The following SFRP1 variants were observed in gnomAD, a reference collection of about 807,000 sequenced individuals.
SFRP1 encodes secreted frizzled related protein 1.
A neutral mutation model predicts 25.9 loss-of-function variants in SFRP1; 9 were observed. The observed-to-expected ratio is 0.35, with a 90% confidence interval of 0.21 to 0.61. The LOEUF (loss-of-function observed/expected upper bound fraction) is 0.61, where lower values mean the gene tolerates loss of function less well. Among genes scored for constraint, SFRP1 ranks in the 20% least tolerant of loss-of-function variants. The pLI is 0.78. For missense variants in SFRP1, 346 were observed against 418.2 expected, an observed-to-expected ratio of 0.83 and a Z score of 1.51; for synonymous variants, 178 against 174.0, an observed-to-expected ratio of 1.02 and a Z score of -0.18.
chr8:41,268,477 C>G (rs1344093369), intron 2 of SFRP1, among the ~76,000 whole-genome samples: 1 of 152,164 alleles, frequency 6.6e-6, no homozygotes, highest in African/African-American at 2.4e-5. Flanking sequence ...TTTGCCATGA[C>G]CGTGTAAAGG....
chr8:41,279,357 C>T (rs185889228), intron 2 of SFRP1, among the ~76,000 whole-genome samples: 89 of 152,216 alleles, frequency 5.8e-4, no homozygotes, highest in African/African-American at 2.1e-3. Flanking sequence ...TTGCCCAGGC[C>T]GGGGTCTGGT....
At chr8:41,303,944 C>T (rs1466497090) in intron 1 of SFRP1, among the ~76,000 whole-genome samples, 2 of 152,254 alleles carry the variant, frequency 1.3e-5, no homozygotes, top group East Asian at 3.9e-4. Flanking sequence ...ATTCCTGCCC[C>T]CTTCCCATTT....
chr8:41,288,367 G>GAAATAA (rs1033800542), intron 2 of SFRP1, among the ~76,000 whole-genome samples: 3 of 151,140 alleles, frequency 2.0e-5, no homozygotes, highest in Non-Finnish European at 2.9e-5. Context: ...AAAATAAAAT[G>GAAATAA]AAATAAAAAT....
In SFRP1 at chr8:41,264,847, T is replaced by G; in HGVS notation, c.*320A>C. The G allele has an allele frequency of 7.5e-6, 2 of 267,040 alleles. No individual in the cohort carries two copies. Among genetic ancestry groups the G allele is most frequent in the East Asian group, 7.1e-5 (1 of 14,016 alleles). 16.5% of individuals were successfully genotyped at this position (267,040 alleles called of 1,614,324 possible). ...CTCTCACTTTCCGCCCAATCCCCCT[T>G]TTTGTGTTTTAGTGGCTGTGTTGCT... On this transcript the variant is annotated 3_prime_UTR_variant, in exon 3 of 3. Coordinates refer to ENST00000220772, the MANE Select transcript of SFRP1 (RefSeq NM_003012.5).
intron 2 of SFRP1, among the ~76,000 whole-genome samples, chr8:41,276,130 C>T (rs951861334): frequency 1.3e-5 from 2 of 152,286 alleles, no homozygotes; most frequent in East Asian, 3.9e-4. Context: ...TCGCATGGGC[C>T]TGCTCCACCC....
At chr8:41,285,253 G>A (rs558509444) in intron 2 of SFRP1, among the ~76,000 whole-genome samples, 18 of 151,870 alleles carry the variant, frequency 1.2e-4, no homozygotes, top group South Asian at 4.2e-4. Flanking sequence ...CCCCTCAGCC[G>A]TCAGCATCTG....
chr8:41,265,859 A>G (rs577199815), intron 2 of SFRP1, among the ~76,000 whole-genome samples: 4 of 152,324 alleles, frequency 2.6e-5, no homozygotes, highest in African/African-American at 9.6e-5. Context: ...ATGAAAGGCA[A>G]GTAACAAGTC....
intron 2 of SFRP1, among the ~76,000 whole-genome samples, chr8:41,280,695 T>C (rs1284832023): frequency 6.6e-6 from 1 of 152,212 alleles, no homozygotes; most frequent in African/African-American, 2.4e-5. Flanking sequence ...AAAGCTTCCC[T>C]GTGGCTGCAG....
chr8:41,303,025 G>C (rs904530599), intron 2 of SFRP1, among the ~76,000 whole-genome samples: 9 of 144,248 alleles, frequency 6.2e-5, no homozygotes, highest in East Asian at 6.2e-4. Context: ...CCTGGACAGA[G>C]TCATGCTGAC....
chr8:41,289,110 G>C (rs536076840), intron 2 of SFRP1, among the ~76,000 whole-genome samples: 1 of 152,298 alleles, frequency 6.6e-6, no homozygotes, highest in South Asian at 2.1e-4. Context: ...GGCACATAGC[G>C]ACTTCTCTTC....
intron 2 of SFRP1, chr8:41,271,018 G>A (rs918733580): frequency 1.3e-5 from 2 of 154,096 alleles, no homozygotes; most frequent in African/African-American, 4.8e-5. Flanking sequence ...TTATATGCCT[G>A]TGTCAGAGGA....
At position 41,303,213 on chromosome 8, in the gene SFRP1, G is replaced by C. The variant is rs557601115; in HGVS notation, c.622+248C>G. 1.2e-4 allele frequency among the ~76,000 whole-genome samples: 18 copies of C among 151,942 alleles called. 1 individual carries two copies. In the South Asian group the frequency reaches 3.7e-3, roughly 32 times the overall value. On this transcript the variant is annotated intron_variant, in intron 2 of 2. Coordinates refer to ENST00000220772, the MANE Select transcript of SFRP1 (RefSeq NM_003012.5). ...CCAAATCAGCCTCCCTGCATGCCTA[G>C]AGAAGATGCCCAAAAATCTGTCCAG...
intron 2 of SFRP1, among the ~76,000 whole-genome samples, chr8:41,270,855 G>GA (rs1283087184): frequency 1.3e-5 from 2 of 151,686 alleles, no homozygotes; most frequent in African/African-American, 4.8e-5. Context: ...AGAAAAGGGG[G>GA]AAAAAAAGAA....
intron 2 of SFRP1, among the ~76,000 whole-genome samples, chr8:41,285,922 G>A (rs1340089588): frequency 6.6e-6 from 1 of 152,072 alleles, no homozygotes; most frequent in East Asian, 1.9e-4. Flanking sequence ...GCGGAGTTTT[G>A]GGGTATGGGT....
intron 2 of SFRP1, among the ~76,000 whole-genome samples, chr8:41,292,535 C>G (rs1482914084): frequency 6.6e-6 from 1 of 152,302 alleles, no homozygotes; most frequent in South Asian, 2.1e-4. Flanking sequence ...ACCTGTGAGT[C>G]AATTAAACCT....
chr8:41,275,264 G>A (rs1008583744), intron 2 of SFRP1: 1 of 426,124 alleles, frequency 2.3e-6, no homozygotes, highest in Non-Finnish European at 4.6e-6. Flanking sequence ...GAGAGGGGAT[G>A]AATGGGGGCC....
chr8:41,300,934 T>C (rs557675073), intron 2 of SFRP1, among the ~76,000 whole-genome samples: 7 of 152,174 alleles, frequency 4.6e-5, no homozygotes, highest in Non-Finnish European at 8.8e-5. Flanking sequence ...TCTGCTCATG[T>C]TTTTTTCCTG....
At chr8:41,265,612 T>G (rs1407521873) in intron 2 of SFRP1, 123 bp from the exon 3 acceptor site, 4 of 672,626 alleles carry the variant, frequency 5.9e-6, no homozygotes, top group East Asian at 3.0e-5. Context: ...GCTTATACTT[T>G]CTTCTTGTAA....
chr8:41,264,310 A>AT lies in SFRP1; in HGVS notation c.*856dup, dbSNP rs1332306513. 1 of 152,080 alleles carries AT rather than the reference A, an allele frequency of 6.6e-6. No homozygotes were observed. Among genetic ancestry groups the AT allele is most frequent in the Non-Finnish European group, 1.5e-5 (1 of 68,014 alleles). The allele number at this position is 152,080 out of a possible 1,614,324, so 9.4% of individuals were successfully genotyped here. ...TAGCAATTTGCTGGACTGTTCTAAA[A>AT]TTTTTTTCATTTGTTTCTTTTTTAA... On this transcript the variant is annotated 3_prime_UTR_variant, in exon 3 of 3. Coordinates refer to ENST00000220772, the MANE Select transcript of SFRP1 (RefSeq NM_003012.5).
Sources: gnomAD v4.1 joint callset for allele counts (sites outside exome capture counted in the v4.1 genomes callset) on GRCh38, gnomAD v4.1.1 for gene constraint, MANE v1.5 for transcripts, NCBI Gene and HGNC (gene_info 2026-07-23, HGNC 2026-07-21) for gene names.